The following GPATCH2 variants were observed in gnomAD, a reference collection of about 807,000 sequenced individuals.
GPATCH2 encodes G-patch domain containing 2.
Under a neutral mutation model 58.0 loss-of-function variants are expected in GPATCH2, and 51 were observed. The observed-to-expected ratio is 0.88, with a 90% confidence interval of 0.70 to 1.11. The LOEUF (loss-of-function observed/expected upper bound fraction) is 1.11, where lower values mean the gene tolerates loss of function less well. Among genes scored for constraint, GPATCH2 ranks in the 50% most tolerant of loss-of-function variants. GPATCH2 has a pLI of 0.00. For missense variants in GPATCH2, 625 were observed against 652.2 expected (o/e 0.96, Z 0.45); for synonymous variants, 222 against 218.5 (o/e 1.02, Z -0.14).
intron 5 of GPATCH2, among the ~76,000 whole-genome samples, chr1:217,595,124 T>C (rs1667765139): frequency 6.6e-6 from 1 of 152,212 alleles, no homozygotes; most frequent in Admixed American, 6.5e-5. Flanking sequence ...TTTGAGAAGC[T>C]ATATGAGGAA....
chr1:217,589,405 C>T (rs1355529052), intron 5 of GPATCH2, among the ~76,000 whole-genome samples: 1 of 152,100 alleles, frequency 6.6e-6, no homozygotes, highest in Non-Finnish European at 1.5e-5. Flanking sequence ...ATGACTACTA[C>T]TTTTCCAAGA....
At chr1:217,442,528 T>G (rs1220983063) in intron 9 of GPATCH2, among the ~76,000 whole-genome samples, 1 of 152,156 alleles carries the variant, frequency 6.6e-6, no homozygotes, top group African/African-American at 2.4e-5. Context: ...TTCTATTACA[T>G]CATTTCTTTT....
At chr1:217,483,095 G>C (rs1370742381) in intron 8 of GPATCH2, among the ~76,000 whole-genome samples, 1 of 152,022 alleles carries the variant, frequency 6.6e-6, no homozygotes, top group Non-Finnish European at 1.5e-5. Context: ...ACTCTCTGTC[G>C]AAGTTTTAGT....
At chr1:217,600,960 G>A (rs888237691) in intron 5 of GPATCH2, among the ~76,000 whole-genome samples, 4 of 151,958 alleles carry the variant, frequency 2.6e-5, no homozygotes, top group Admixed American at 1.3e-4. Context: ...CATATATCTC[G>A]AAAACAAAAC....
At chr1:217,549,724 T>C (rs903488092) in intron 5 of GPATCH2, among the ~76,000 whole-genome samples, 1 of 152,180 alleles carries the variant, frequency 6.6e-6, no homozygotes, top group East Asian at 1.9e-4. Flanking sequence ...TTGACCAATT[T>C]AGTTAAATGA....
At chr1:217,621,658 G>A (rs1473629332) in intron 1 of GPATCH2, among the ~76,000 whole-genome samples, 2 of 152,200 alleles carry the variant, frequency 1.3e-5, no homozygotes, top group Non-Finnish European at 2.9e-5. Context: ...GCTGGTTATA[G>A]TTTGCTGACC....
At chr1:217,575,094 A>C (rs1666745576) in intron 5 of GPATCH2, among the ~76,000 whole-genome samples, 1 of 152,150 alleles carries the variant, frequency 6.6e-6, no homozygotes, top group Non-Finnish European at 1.5e-5. Flanking sequence ...ATAAAATAAA[A>C]AGCTTAAGGT....
At chr1:217,538,102 AT>A (rs1664564293) in intron 5 of GPATCH2, among the ~76,000 whole-genome samples, 1 of 152,226 alleles carries the variant, frequency 6.6e-6, no homozygotes, top group Non-Finnish European at 1.5e-5. Context: ...CAACTAAAAA[AT>A]CTACATCCAT....
intron 9 of GPATCH2, among the ~76,000 whole-genome samples, chr1:217,436,504 T>C (rs1199342760): frequency 6.6e-6 from 1 of 152,184 alleles, no homozygotes; most frequent in Non-Finnish European, 1.5e-5. Flanking sequence ...TGATTCCCTA[T>C]AAGAATTTTT....
At chr1:217,488,119 T>A (rs1661540560) in intron 8 of GPATCH2, among the ~76,000 whole-genome samples, 1 of 152,246 alleles carries the variant, frequency 6.6e-6, no homozygotes, top group Non-Finnish European at 1.5e-5. Flanking sequence ...ATATATTTTT[T>A]ATGATCCATA....
At chr1:217,474,052 C>A (rs563805633) in intron 8 of GPATCH2, among the ~76,000 whole-genome samples, 2 of 152,114 alleles carry the variant, frequency 1.3e-5, no homozygotes, top group African/African-American at 4.8e-5. Context: ...TTACAATAAA[C>A]GTATGAATCA....
chr1:217,437,314 C>A (rs912736799), intron 9 of GPATCH2, among the ~76,000 whole-genome samples: 1 of 152,166 alleles, frequency 6.6e-6, no homozygotes, highest in African/African-American at 2.4e-5. Context: ...ACTGTTTGAG[C>A]AGACACCAAG....
chr1:217,487,587 G>A (rs1252960502), intron 8 of GPATCH2, among the ~76,000 whole-genome samples: 3 of 151,826 alleles, frequency 2.0e-5, no homozygotes, highest in Admixed American at 6.6e-5. Flanking sequence ...CACCAAGCCC[G>A]GCTAATTTTT....
chr1:217,629,016 A>G (rs1669597755), intron 1 of GPATCH2, among the ~76,000 whole-genome samples: 1 of 152,080 alleles, frequency 6.6e-6, no homozygotes, highest in Admixed American at 6.5e-5. Context: ...CCTTATCTAA[A>G]ATGCAAAGAA....
intron 5 of GPATCH2, among the ~76,000 whole-genome samples, chr1:217,532,324 C>G (rs1160029702): frequency 6.6e-6 from 1 of 152,142 alleles, no homozygotes. Flanking sequence ...TAATTATTAT[C>G]TCAATCTTAC....
chr1:217,478,862 G>C (rs1008512206), intron 8 of GPATCH2, among the ~76,000 whole-genome samples: 9 of 151,802 alleles, frequency 5.9e-5, no homozygotes, highest in African/African-American at 2.2e-4. Context: ...ATAAAATAAA[G>C]AAACCTAAAA....
chr1:217,525,236 AT>A (rs1440533475), intron 5 of GPATCH2, among the ~76,000 whole-genome samples: 1 of 151,940 alleles, frequency 6.6e-6, no homozygotes, highest in Non-Finnish European at 1.5e-5. Context: ...CCTGCTCAAA[AT>A]GGTTCACAGG....
chr1:217,608,484 A>G (rs1343821815), intron 5 of GPATCH2: 7 of 985,112 alleles, frequency 7.1e-6, no homozygotes, highest in Non-Finnish European at 8.4e-6. Flanking sequence ...CAATACCATG[A>G]AGCTAGCCTA....
intron 1 of GPATCH2, among the ~76,000 whole-genome samples, chr1:217,630,109 C>A (rs564935502): frequency 6.6e-6 from 1 of 152,144 alleles, no homozygotes; most frequent in African/African-American, 2.4e-5. Context: ...AGGAAAAGGG[C>A]TTGGGAGAAA....
Sources: allele counts gnomAD v4.1 joint callset (sites outside exome capture counted in the v4.1 genomes callset), GRCh38; gene constraint gnomAD v4.1.1; transcripts MANE v1.5; gene names NCBI Gene and HGNC (gene_info 2026-07-23, HGNC 2026-07-21).